The following GALNTL6 variants were observed in gnomAD, a reference collection of about 807,000 sequenced individuals.
The protein encoded by GALNTL6 is polypeptide N-acetylgalactosaminyltransferase like 6, also known as polypeptide N-acetylgalactosaminyltransferase-like 6.
Under a neutral mutation model 73.7 loss-of-function variants are expected in GALNTL6, and 46 were observed. That is an observed-to-expected ratio of 0.62 (90% CI 0.49 to 0.80). The LOEUF (loss-of-function observed/expected upper bound fraction) is 0.80. GALNTL6 is among the 30% of genes least tolerant of loss of function. The pLI is 0.00. For synonymous variants in GALNTL6, 259 were observed against 263.7 expected, an observed-to-expected ratio of 0.98 and a Z score of 0.17; for missense variants, 604 against 755.0, an observed-to-expected ratio of 0.80 and a Z score of 2.34.
At chr4:172,182,288 A>G (rs1735273010) in intron 2 of GALNTL6, among the ~76,000 whole-genome samples, 1 of 152,158 alleles carries the variant, frequency 6.6e-6, no homozygotes, top group Admixed American at 6.5e-5. Flanking sequence ...TTCTGTTTTC[A>G]TTAGATGTGT....
intron 3 of GALNTL6, among the ~76,000 whole-genome samples, chr4:172,291,510 A>G (rs542201460): frequency 1.5e-4 from 23 of 152,258 alleles, no homozygotes; most frequent in African/African-American, 5.3e-4. Flanking sequence ...ATCTGAATGC[A>G]CCAGATTATT....
intron 5 of GALNTL6, among the ~76,000 whole-genome samples, chr4:172,605,543 T>A (rs1416085800): frequency 1.3e-5 from 2 of 151,996 alleles, no homozygotes; most frequent in African/African-American, 4.8e-5. Flanking sequence ...GAGAAATAAT[T>A]TAAACATATT....
At chr4:172,182,122 A>G (rs1360652222) in intron 2 of GALNTL6, among the ~76,000 whole-genome samples, 2 of 152,206 alleles carry the variant, frequency 1.3e-5, no homozygotes, top group South Asian at 2.1e-4. Flanking sequence ...GTAATAGACA[A>G]ACAAAGAGCC....
chr4:171,880,044 T>C (rs1736395469), intron 2 of GALNTL6, among the ~76,000 whole-genome samples: 1 of 152,176 alleles, frequency 6.6e-6, no homozygotes, highest in Non-Finnish European at 1.5e-5. Context: ...TAGAAAGTAA[T>C]CAGTAACATC....
At chr4:172,137,677 G>A (rs1344552057) in intron 2 of GALNTL6, among the ~76,000 whole-genome samples, 1 of 152,052 alleles carries the variant, frequency 6.6e-6, no homozygotes, top group Admixed American at 6.6e-5. Context: ...ATGAAGGGTA[G>A]GTAAGAAACC....
intron 10 of GALNTL6, among the ~76,000 whole-genome samples, chr4:172,975,095 C>T (rs954256823): frequency 6.6e-6 from 1 of 152,226 alleles, no homozygotes; most frequent in African/African-American, 2.4e-5. Flanking sequence ...ATTTGTGTTA[C>T]AGCTCTTTTA....
At chr4:172,539,986 G>A (rs1735491414) in intron 5 of GALNTL6, among the ~76,000 whole-genome samples, 1 of 148,032 alleles carries the variant, frequency 6.8e-6, no homozygotes, top group Admixed American at 6.7e-5. Context: ...ATAAACTTGG[G>A]GTTAGAAACT....
In GALNTL6 at chr4:171,814,297, A is replaced by G. The variant is rs183613296; in HGVS notation, c.-169-115A>G. The G allele has an allele frequency of 4.7e-4, 225 of 479,086 alleles. 1 individual carries two copies. The highest frequency in any genetic ancestry group is 3.4e-3 in the African/African-American group (172 of 51,318). 29.7% of individuals were successfully genotyped at this position (479,086 alleles called of 1,614,324 possible). On this transcript the variant is annotated intron_variant, in intron 1 of 12. Transcript: ENST00000506823. The stretch of plus-strand genomic sequence containing the variant: ...ATATTTACTCTATTGCTTTATATTA[A>G]TGGAGGTCAATGGGCTTAATGATTT...
intron 5 of GALNTL6, among the ~76,000 whole-genome samples, chr4:172,637,115 CATT>C (rs1390258538): frequency 6.6e-6 from 1 of 152,074 alleles, no homozygotes. Flanking sequence ...ATTGCTAACT[CATT>C]AATCAATTAC....
rs1267654247 is a variant in GALNTL6, at chr4:172,304,605, A to G, written c.248-7009A>G. Among the ~76,000 whole-genome samples the G allele has an allele frequency of 2.0e-5, 3 of 152,170 alleles. No homozygotes were observed. In the East Asian group the frequency reaches 5.8e-4, roughly 29 times the overall value. ...CCTCAGAAGAAGTGTAAAAACACTG[A>G]TTTATGTTTCTCTTGTATTCTAGTT... On this transcript the variant is annotated intron_variant, in intron 3 of 12. Transcript: ENST00000506823.
chr4:172,867,084 T>C (rs950782642), intron 7 of GALNTL6, among the ~76,000 whole-genome samples: 3 of 152,110 alleles, frequency 2.0e-5, no homozygotes, highest in African/African-American at 7.2e-5. Context: ...CTGGAAGAAA[T>C]GGAATTTTCA....
intron 2 of GALNTL6, among the ~76,000 whole-genome samples, chr4:171,918,826 C>T (rs74956945): frequency 0.051 from 7,757 of 151,996 alleles, 591 homozygotes; most frequent in African/African-American, 0.17. Flanking sequence ...AAGGAAATTT[C>T]GTGATATGAG....
chr4:172,578,700 A>G (rs1469437651), intron 5 of GALNTL6, among the ~76,000 whole-genome samples: 2 of 152,218 alleles, frequency 1.3e-5, no homozygotes, highest in Non-Finnish European at 2.9e-5. Context: ...AAATCCCTCA[A>G]GAATCAAATT....
intron 5 of GALNTL6, among the ~76,000 whole-genome samples, chr4:172,719,753 G>A (rs1421091380): frequency 1.3e-5 from 2 of 152,092 alleles, no homozygotes; most frequent in African/African-American, 2.4e-5. Flanking sequence ...AATTAAGGGC[G>A]AGTCTACAAA....
chr4:172,437,561 CTAT>C (rs1239835206), intron 5 of GALNTL6, among the ~76,000 whole-genome samples: 1 of 152,102 alleles, frequency 6.6e-6, no homozygotes, highest in Middle Eastern at 3.2e-3. Context: ...TCTTCTTGTC[CTAT>C]TAGCCAACAA....
chr4:171,903,802 C>T (rs956583393), intron 2 of GALNTL6, among the ~76,000 whole-genome samples: 3 of 152,048 alleles, frequency 2.0e-5, no homozygotes, highest in Non-Finnish European at 2.9e-5. Flanking sequence ...GATCTGAGAA[C>T]GGGCAGACTG....
At chr4:172,975,948 C>T (rs1750787170) in intron 10 of GALNTL6, among the ~76,000 whole-genome samples, 1 of 152,134 alleles carries the variant, frequency 6.6e-6, no homozygotes, top group African/African-American at 2.4e-5. Flanking sequence ...TGCAGGGATG[C>T]ACAGGTCCAC....
chr4:172,480,572 A>G (rs1034339908), intron 5 of GALNTL6, among the ~76,000 whole-genome samples: 1 of 152,254 alleles, frequency 6.6e-6, no homozygotes, highest in African/African-American at 2.4e-5. Flanking sequence ...ACCTCATTCT[A>G]AAGTCACTGG....
chr4:171,958,092 A>G (rs1739111077), intron 2 of GALNTL6, among the ~76,000 whole-genome samples: 2 of 152,214 alleles, frequency 1.3e-5, no homozygotes, highest in Non-Finnish European at 2.9e-5. Flanking sequence ...GAAAATGTAC[A>G]TATACGTTAG....
Sources: allele counts gnomAD v4.1 joint callset (sites outside exome capture counted in the v4.1 genomes callset), GRCh38; gene constraint gnomAD v4.1.1; transcripts MANE v1.5; gene names NCBI Gene and HGNC (gene_info 2026-07-23, HGNC 2026-07-21).